CDH4: variants seen among roughly 807,000 people sequenced by gnomAD.
CDH4 encodes the protein cadherin-4.
CDH4 carries 33 observed loss-of-function variants against 86.0 expected under a neutral mutation model. That is an observed-to-expected ratio of 0.38 (90% CI 0.29 to 0.51). CDH4 has a LOEUF of 0.51. Among genes scored for constraint, CDH4 ranks in the 20% least tolerant of loss-of-function variants. The pLI, the probability that CDH4 is intolerant of heterozygous loss-of-function variation, is 0.86. For synonymous variants in CDH4, 555 were observed against 549.4 expected, an observed-to-expected ratio of 1.01 and a Z score of -0.14; for missense variants, 1,114 against 1,307.4, an observed-to-expected ratio of 0.85 and a Z score of 2.28.
At chr20:61,399,568 C>G (rs1311034639) in intron 2 of CDH4, among the ~76,000 whole-genome samples, 4 of 152,198 alleles carry the variant, frequency 2.6e-5, no homozygotes, top group Non-Finnish European at 4.4e-5. Flanking sequence ...AGCCTTTGCA[C>G]CCCCTCTGCC....
At chr20:61,344,361 G>T (rs1040430444) in intron 2 of CDH4, among the ~76,000 whole-genome samples, 6 of 152,194 alleles carry the variant, frequency 3.9e-5, no homozygotes, top group African/African-American at 1.4e-4. Context: ...GGACTGGAAT[G>T]ACTTGGCTGG....
In CDH4 at chr20:61,365,536, G is replaced by C. The variant is rs528825558; in HGVS notation, c.169+110599G>C. ...CAGAAAGGCTTCTGGTTGGAGCTGG[G>C]GGGTAATGAGGGTGTGGAGCTGACT... On this transcript the variant is annotated intron_variant, in intron 2 of 15. Coordinates refer to ENST00000614565, the MANE Select transcript of CDH4 (RefSeq NM_001794.5). 4.6e-5 allele frequency among the ~76,000 whole-genome samples: 7 copies of C among 152,248 alleles called. No homozygotes were observed. The East Asian group carries it at 7.7e-4, about 17-fold the overall frequency.
intron 2 of CDH4, among the ~76,000 whole-genome samples, chr20:61,424,104 A>G (rs1035967650): frequency 2.0e-5 from 3 of 151,534 alleles, no homozygotes; most frequent in African/African-American, 4.9e-5. Flanking sequence ...GTATACACAC[A>G]TATACACACA....
At chr20:61,748,625 A>G (rs892978071) in intron 3 of CDH4, among the ~76,000 whole-genome samples, 34 of 152,340 alleles carry the variant, frequency 2.2e-4, no homozygotes, top group African/African-American at 7.5e-4. Context: ...GTAATGTTTC[A>G]TGGGTGTAAA....
chr20:61,814,601 G>C (rs1423786006), intron 4 of CDH4, among the ~76,000 whole-genome samples: 2 of 152,236 alleles, frequency 1.3e-5, no homozygotes, highest in Non-Finnish European at 2.9e-5. Flanking sequence ...GCAGCGATGT[G>C]GAAATGGACC....
intron 2 of CDH4, among the ~76,000 whole-genome samples, chr20:61,359,539 CTTTG>C (rs2084772672): frequency 6.6e-6 from 1 of 152,244 alleles, no homozygotes; most frequent in Admixed American, 6.5e-5. Flanking sequence ...TGGGCTGAGT[CTTTG>C]CTGTGTCCCA....
intron 2 of CDH4, among the ~76,000 whole-genome samples, chr20:61,394,167 A>G (rs958794620): frequency 3.9e-5 from 6 of 152,110 alleles, no homozygotes; most frequent in African/African-American, 1.4e-4. Context: ...TTCCTGGGGA[A>G]CATTTTCCTC....
intron 2 of CDH4, among the ~76,000 whole-genome samples, chr20:61,305,876 A>G (rs539352674): frequency 7.0e-4 from 107 of 152,370 alleles, no homozygotes; most frequent in Non-Finnish European, 1.3e-3. Context: ...TTTGGCTTCT[A>G]GAGTGAAGAT....
rs2085686151 is a variant in CDH4 at position 61,499,583 on chromosome 20, G to A, written c.170-243980G>A. 4 of 1,170,170 alleles carry A rather than the reference G, an allele frequency of 3.4e-6. No individual in the cohort carries two copies. In the African/African-American group the frequency reaches 4.7e-5, roughly 14 times the overall value. 72.5% of individuals were successfully genotyped at this position (1,170,170 alleles called of 1,614,324 possible). ...CTGATGCTTCAGACAGTGTCCCTGA[G>A]GTCACACAGGGAGGAGGGCTCCAAG... On this transcript the variant is annotated intron_variant, in intron 2 of 15. Coordinates refer to ENST00000614565, the MANE Select transcript of CDH4 (RefSeq NM_001794.5).
Position 61,574,234 on chromosome 20 carries a change from G to T in CDH4, c.170-169329G>T, listed in dbSNP as rs147589921. ...AAAGAGCAAGCAGCACCATGCTGTA[G>T]CCCAGCCAAGGCTAATATTCTTACT... On this transcript the variant is annotated intron_variant, in intron 2 of 15. Coordinates refer to ENST00000614565, the MANE Select transcript of CDH4 (RefSeq NM_001794.5). Among the ~76,000 whole-genome samples, 518 of 152,348 alleles carry T rather than the reference G, an allele frequency of 3.4e-3. 6 individuals carry two copies. Among genetic ancestry groups the T allele is most frequent in the African/African-American group, 0.012 (489 of 41,584 alleles).
chr20:61,272,317 G>A (rs1296272462), intron 2 of CDH4, among the ~76,000 whole-genome samples: 1 of 152,182 alleles, frequency 6.6e-6, no homozygotes, highest in African/African-American at 2.4e-5. Context: ...CAGCCCCAGT[G>A]GAATGGAGGG....
chr20:61,286,349 T>A (rs1449637037), intron 2 of CDH4, among the ~76,000 whole-genome samples: 2 of 152,210 alleles, frequency 1.3e-5, no homozygotes, highest in Admixed American at 6.5e-5. Context: ...CTGTGTCATA[T>A]GGACTTGAGG....
intron 4 of CDH4, among the ~76,000 whole-genome samples, chr20:61,779,355 C>T (rs922993200): frequency 6.6e-6 from 1 of 152,154 alleles, no homozygotes; most frequent in Middle Eastern, 3.2e-3. Context: ...TGCCAGAGGA[C>T]AAGCTAGGAA....
At chr20:61,668,883 C>T (rs185554600) in intron 2 of CDH4, among the ~76,000 whole-genome samples, 161 of 152,328 alleles carry the variant, frequency 1.1e-3, no homozygotes, top group African/African-American at 3.5e-3. Flanking sequence ...CCAGCAGGCC[C>T]GGGTGCCTTC....
intron 11 of CDH4, among the ~76,000 whole-genome samples, chr20:61,926,740 G>A (rs913733767): frequency 6.6e-6 from 1 of 152,212 alleles, no homozygotes; most frequent in Non-Finnish European, 1.5e-5. Flanking sequence ...AGGCATGGTG[G>A]TGCACGCCTG....
chr20:61,430,011 A>G (rs2085237219), intron 2 of CDH4, among the ~76,000 whole-genome samples: 1 of 152,226 alleles, frequency 6.6e-6, no homozygotes, highest in African/African-American at 2.4e-5. Flanking sequence ...CCCTTAAAAC[A>G]GATTCCTTGG....
intron 2 of CDH4, among the ~76,000 whole-genome samples, chr20:61,266,466 C>T (rs1277048871): frequency 6.6e-6 from 1 of 151,806 alleles, no homozygotes; most frequent in Non-Finnish European, 1.5e-5. Context: ...TCTGGCCACC[C>T]AAATGTGAGT....
chr20:61,281,748 C>T (rs1315503273), intron 2 of CDH4, among the ~76,000 whole-genome samples: 2 of 152,228 alleles, frequency 1.3e-5, no homozygotes, highest in African/African-American at 4.8e-5. Context: ...ATTCCCGCCA[C>T]CTCCTCCCCT....
chr20:61,368,469 C>A (rs888856815), intron 2 of CDH4, among the ~76,000 whole-genome samples: 1 of 152,186 alleles, frequency 6.6e-6, no homozygotes, highest in Non-Finnish European at 1.5e-5. Flanking sequence ...CTGCAGGCAC[C>A]TTGATCTTGG....
Sources: allele counts gnomAD v4.1 joint callset (sites outside exome capture counted in the v4.1 genomes callset), GRCh38; gene constraint gnomAD v4.1.1; transcripts MANE v1.5; gene names NCBI Gene and HGNC (gene_info 2026-07-23, HGNC 2026-07-21).